PXT1: variants seen among roughly 807,000 people sequenced by gnomAD.
PXT1 encodes peroxisomal testis-specific protein 1.
PXT1 carries 11 observed loss-of-function variants against 11.0 expected under a neutral mutation model. The observed-to-expected ratio is 1.00, with a 90% CI of 0.63 to 1.66. PXT1 has a LOEUF of 1.66. Among genes scored for constraint, PXT1 ranks in the 40% most tolerant of loss-of-function variants. The probability of loss-of-function intolerance (pLI) is 0.00; values close to 1 mark genes in which losing one functional copy is unlikely to be tolerated. For synonymous variants in PXT1, 43 were observed against 51.4 expected (o/e 0.84, Z 0.70); for missense variants, 141 against 155.5 (o/e 0.91, Z 0.49).
intron 3 of PXT1, among the ~76,000 whole-genome samples, chr6:36,417,977 A>C (rs1774474658): frequency 6.6e-6 from 1 of 151,898 alleles, no homozygotes; most frequent in South Asian, 2.1e-4. Flanking sequence ...CGGGCGGATC[A>C]CAAGGTCAGG....
At chr6:36,435,287 A>G (rs1397902280) in intron 2 of PXT1, among the ~76,000 whole-genome samples, 1 of 152,178 alleles carries the variant, frequency 6.6e-6, no homozygotes. Flanking sequence ...GCCAGGTGCA[A>G]TGGCTTACGC....
At chr6:36,403,643 G>A (rs1774244888) in intron 3 of PXT1, among the ~76,000 whole-genome samples, 1 of 152,184 alleles carries the variant, frequency 6.6e-6, no homozygotes, top group Non-Finnish European at 1.5e-5. Context: ...GGAGGCCAAG[G>A]CAGGCAGATT....
In PXT1 at chr6:36,417,626, G is replaced by A. The variant is rs1774467872; in HGVS notation, c.169+8288C>T. Reference sequence around the variant, plus strand: ...AAAAAAAAAATCAAAAACTTAGCCGGGCGTGGTGGTGTACGCCTGCAGTCC... The same window carrying A: ...AAAAAAAAAATCAAAAACTTAGCCGAGCGTGGTGGTGTACGCCTGCAGTCC... On this transcript the variant is annotated intron_variant, in intron 3 of 4. Transcript: ENST00000454782. 6.0e-5 allele frequency among the ~76,000 whole-genome samples: 9 copies of A among 149,694 alleles called. No homozygotes were observed. In the Admixed American group the frequency reaches 6.0e-4, roughly 10 times the overall value.
chr6:36,426,879 G>C (rs890035193), intron 2 of PXT1, among the ~76,000 whole-genome samples: 2 of 152,068 alleles, frequency 1.3e-5, no homozygotes, highest in Admixed American at 1.3e-4. Flanking sequence ...AGTCCTCTTT[G>C]ATCCTTCATA....
chr6:36,391,826 A>G lies in PXT1; in HGVS notation c.349T>C (p.Phe117Leu). The change falls in exon 5 of 5, where the codon TTC becomes CTC. Residue 117 changes from phenylalanine (F) to leucine (L), a missense_variant. Physicochemically the swap from Phe to Leu is conservative, Grantham distance 22. Coordinates refer to ENST00000454782, the MANE Select transcript of PXT1 (RefSeq NM_152990.4). ...RDALDHFVFF[F>L]FRRVQVLLHF... ...AGCAACACCTGAACTCTTCTAAAGA[A>G]AAAGAAGACAAAATGATCTAGTGCA... 6.2e-7 allele frequency: 1 copy of G among 1,614,064 alleles called. No individual in the cohort carries two copies. The highest frequency in any genetic ancestry group is 8.5e-7 in the Non-Finnish European group (1 of 1,179,900).
intron 3 of PXT1, among the ~76,000 whole-genome samples, chr6:36,413,159 C>T (rs533499354): frequency 5.9e-5 from 9 of 152,120 alleles, no homozygotes; most frequent in East Asian, 1.9e-4. Context: ...TGGCTCACGC[C>T]GGTAATCCCA....
At chr6:36,434,878 A>G (rs1352189938) in intron 2 of PXT1, among the ~76,000 whole-genome samples, 9 of 152,252 alleles carry the variant, frequency 5.9e-5, no homozygotes, top group Admixed American at 5.2e-4. Flanking sequence ...TAACTAAAAC[A>G]ATAAAATGTA....
intron 3 of PXT1, among the ~76,000 whole-genome samples, chr6:36,422,686 T>G (rs1249151295): frequency 6.6e-6 from 1 of 152,068 alleles, no homozygotes; most frequent in Non-Finnish European, 1.5e-5. Context: ...GGAGGAAGGG[T>G]TGGTGAGCCA....
chr6:36,417,631 G>A (rs1472504720), intron 3 of PXT1, among the ~76,000 whole-genome samples: 1 of 150,808 alleles, frequency 6.6e-6, no homozygotes, highest in East Asian at 1.9e-4. Flanking sequence ...AGCCGGGCGT[G>A]GTGGTGTACG....
intron 3 of PXT1, among the ~76,000 whole-genome samples, chr6:36,402,707 G>A (rs1264382550): frequency 2.0e-5 from 3 of 152,176 alleles, no homozygotes; most frequent in African/African-American, 4.8e-5. Flanking sequence ...AGACAGGGAG[G>A]TTTTATGCAT....
At chr6:36,397,753 G>C (rs2127409924) in intron 4 of PXT1, among the ~76,000 whole-genome samples, 1 of 152,106 alleles carries the variant, frequency 6.6e-6, no homozygotes, top group Non-Finnish European at 1.5e-5. Flanking sequence ...CTTACATCTA[G>C]AATATACAAA....
intron 4 of PXT1, chr6:36,393,421 T>C (rs925050023): frequency 6.5e-6 from 1 of 152,896 alleles, no homozygotes; most frequent in African/African-American, 2.4e-5. Context: ...CACAGCTCAG[T>C]CCCACACTTC....
At chr6:36,416,994 A>C (rs1382911044) in intron 3 of PXT1, among the ~76,000 whole-genome samples, 2 of 152,250 alleles carry the variant, frequency 1.3e-5, no homozygotes, top group Admixed American at 6.5e-5. Context: ...ACATGGATCA[A>C]ATAAGAAATA....
At chr6:36,437,073 G>A (rs1220656002) in intron 2 of PXT1, among the ~76,000 whole-genome samples, 2 of 152,112 alleles carry the variant, frequency 1.3e-5, no homozygotes, top group African/African-American at 2.4e-5. Context: ...ATCACTTGAG[G>A]TTAGGAGTTC....
chr6:36,421,326 T>C (rs1483343588), intron 3 of PXT1, among the ~76,000 whole-genome samples: 1 of 152,098 alleles, frequency 6.6e-6, no homozygotes, highest in Non-Finnish European at 1.5e-5. Flanking sequence ...CTGGGCCTGA[T>C]GATGCATACC....
At chr6:36,400,037 T>C (rs1328824602) in intron 4 of PXT1, among the ~76,000 whole-genome samples, 1 of 152,156 alleles carries the variant, frequency 6.6e-6, no homozygotes, top group East Asian at 1.9e-4. Flanking sequence ...GGCCCAGGCA[T>C]CTGTCGTTTT....
In PXT1 at chr6:36,429,998, G is replaced by C. The variant is rs573196809; in HGVS notation, c.-9-3907C>G. Among the ~76,000 whole-genome samples the C allele has an allele frequency of 3.7e-3, 567 of 151,864 alleles. 4 individuals carry two copies. The highest frequency in any genetic ancestry group is 0.013 in the African/African-American group (540 of 41,434). ...TGGATAGGTGGATCACTTGAGATCA[G>C]GAGCTCGAGAGTAGCCTGGCCAACA... On this transcript the variant is annotated intron_variant, in intron 2 of 4. Coordinates refer to ENST00000454782, the MANE Select transcript of PXT1 (RefSeq NM_152990.4).
rs985438700 is a variant in PXT1, at chr6:36,413,165, TC to T, written c.170-12582del. Among the ~76,000 whole-genome samples the T allele has an allele frequency of 1.2e-3, 190 of 152,170 alleles. 1 individual carries two copies. Among genetic ancestry groups the T allele is most frequent in the African/African-American group, 4.0e-3 (168 of 41,536 alleles). ...CGGACACGGTGGCTCACGCCGGTAA[TC>T]CCAGCACTTTGGGAGGCCGAGGTGG... On this transcript the variant is annotated intron_variant, in intron 3 of 4. Coordinates refer to ENST00000454782, the MANE Select transcript of PXT1 (RefSeq NM_152990.4).
chr6:36,435,349 G>T (rs1774746493), intron 2 of PXT1, among the ~76,000 whole-genome samples: 1 of 152,164 alleles, frequency 6.6e-6, no homozygotes, highest in South Asian at 2.1e-4. Context: ...CTTGAGCCCA[G>T]AAGTTCAAGA....
Sources: gnomAD v4.1 joint callset for allele counts (sites outside exome capture counted in the v4.1 genomes callset) on GRCh38, gnomAD v4.1.1 for gene constraint, MANE v1.5 for transcripts, NCBI Gene and HGNC (gene_info 2026-07-23, HGNC 2026-07-21) for gene names.